Variants in ADAMTS9 observed in about 807,000 individuals in gnomAD.
The protein encoded by ADAMTS9 is ADAM metallopeptidase with thrombospondin type 1 motif 9.
Under a neutral mutation model 257.1 loss-of-function variants are expected in ADAMTS9, and 107 were observed. The ratio of observed to expected loss-of-function variants is 0.42; its 90% CI spans 0.36 to 0.49. The LOEUF (loss-of-function observed/expected upper bound fraction) is 0.49, where lower values mean the gene tolerates loss of function less well. Ranked by LOEUF, ADAMTS9 falls within the 20% of genes least tolerant of loss-of-function variation. The pLI is 0.03. For missense variants in ADAMTS9, 2,353 were observed against 2,469.1 expected, an observed-to-expected ratio of 0.95 and a Z score of 1.00; for synonymous variants, 982 against 880.9, an observed-to-expected ratio of 1.11 and a Z score of -2.03.
At chr3:64,627,321 G>A (rs993566242) in intron 16 of ADAMTS9, among the ~76,000 whole-genome samples, 2 of 151,886 alleles carry the variant, frequency 1.3e-5, no homozygotes, top group African/African-American at 2.4e-5. Context: ...AAATGATATC[G>A]GATTCCTCTT....
chr3:64,631,688 T>A (rs1020377083), intron 15 of ADAMTS9, 120 bp downstream of exon 15: 16 of 1,186,976 alleles, frequency 1.3e-5, no homozygotes, highest in Non-Finnish European at 1.9e-5. Context: ...CGATGGATAA[T>A]CCACCATAAC....
chr3:64,530,005 G>A (rs1021400716), intron 38 of ADAMTS9, among the ~76,000 whole-genome samples: 2 of 19,336 alleles, frequency 1.0e-4, no homozygotes, highest in Non-Finnish European at 2.4e-4. Flanking sequence ...TTTTTTTTTT[G>A]TAGAGATTGG....
At chr3:64,680,525 G>T (rs529637397) in intron 3 of ADAMTS9, among the ~76,000 whole-genome samples, 10 of 152,198 alleles carry the variant, frequency 6.6e-5, no homozygotes, top group Admixed American at 5.9e-4. Flanking sequence ...AGCTTTCCAG[G>T]GTGCCCAGAA....
chr3:64,681,156 C>A (rs778273294), intron 3 of ADAMTS9, 45 bp downstream of exon 3: 9 of 1,578,476 alleles, frequency 5.7e-6, no homozygotes, highest in Non-Finnish European at 7.7e-6. Context: ...AGCAATTTAC[C>A]CATCTCAAAG....
chr3:64,591,610 A>G (rs747940001), intron 28 of ADAMTS9, among the ~76,000 whole-genome samples: 1 of 152,186 alleles, frequency 6.6e-6, no homozygotes, highest in African/African-American at 2.4e-5. Flanking sequence ...TAAGATGGGG[A>G]CTTAAACCCT....
chr3:64,660,899 A>C (rs1255000485), intron 3 of ADAMTS9, among the ~76,000 whole-genome samples: 1 of 152,226 alleles, frequency 6.6e-6, no homozygotes, highest in Non-Finnish European at 1.5e-5. Flanking sequence ...TGAAGAATGA[A>C]AAGAAGCTGG....
intron 21 of ADAMTS9, 170 bp downstream of exon 21, chr3:64,615,151 T>G (rs775589559): frequency 1.3e-5 from 10 of 767,258 alleles, no homozygotes; most frequent in Non-Finnish European, 1.9e-5. Context: ...TTACATCCAG[T>G]ACGACAGTCA....
intron 37 of ADAMTS9, among the ~76,000 whole-genome samples, chr3:64,538,361 C>G (rs2083075528): frequency 6.6e-6 from 1 of 151,862 alleles, no homozygotes; most frequent in Non-Finnish European, 1.5e-5. Context: ...AAAGGAAACC[C>G]AGATAAGTCT....
intron 26 of ADAMTS9, among the ~76,000 whole-genome samples, chr3:64,600,729 G>A (rs1354746155): frequency 6.6e-6 from 1 of 152,196 alleles, no homozygotes; most frequent in East Asian, 1.9e-4. Context: ...ATGGGATAGC[G>A]AGGGTCTTGG....
At chr3:64,565,758 A>G (rs1309411022) in intron 29 of ADAMTS9, 1 of 152,238 alleles carries the variant, frequency 6.6e-6, no homozygotes, top group Non-Finnish European at 1.5e-5. Flanking sequence ...GTTCATAGGC[A>G]TTCCTTAGCT....
At chr3:64,581,474 G>T (rs2083999140) in intron 28 of ADAMTS9, among the ~76,000 whole-genome samples, 1 of 152,062 alleles carries the variant, frequency 6.6e-6, no homozygotes, top group Non-Finnish European at 1.5e-5. Context: ...CGTTGCCAAG[G>T]CTGGTCTCGA....
chr3:64,532,271 C>T (rs1283121667), intron 38 of ADAMTS9, among the ~76,000 whole-genome samples: 2 of 152,188 alleles, frequency 1.3e-5, no homozygotes, highest in East Asian at 1.9e-4. Context: ...GGCTAGCCTA[C>T]CTTAAATGTA....
intron 3 of ADAMTS9, 122 bp from the exon 4 acceptor site, chr3:64,658,913 C>A: frequency 9.8e-7 from 1 of 1,023,084 alleles, no homozygotes. Context: ...AACAAGTCCT[C>A]CATGGACTCT....
chr3:64,603,958 T>C lies in ADAMTS9; in HGVS notation c.3711A>G (p.Thr1237=), dbSNP rs1559787273. 3.1e-6 allele frequency: 5 copies of C among 1,613,574 alleles called. No homozygotes were observed. Among genetic ancestry groups the C allele is most frequent in the Non-Finnish European group, 4.2e-6 (5 of 1,179,910 alleles). Residue 1237 remains threonine (T), a synonymous_variant, in exon 25 of 40, where the codon ACA becomes ACG. Transcript: ENST00000498707. ...RPVAKEECSV[T]PCGQWKALDW... is the part of the protein sequence containing the mutation. ...CCAAGGCCTTCCATTGCCCACAGGG[T>C]GTCACAGAACATTCTTCCTTTGCCA... is the stretch of plus-strand genomic sequence containing the variant.
chr3:64,651,679 G>C (rs1209163202), intron 8 of ADAMTS9, among the ~76,000 whole-genome samples: 1 of 152,114 alleles, frequency 6.6e-6, no homozygotes, highest in South Asian at 2.1e-4. Flanking sequence ...ACCTGCGTAG[G>C]TATATCATTC....
chr3:64,558,495 G>A (rs947883857), intron 30 of ADAMTS9, among the ~76,000 whole-genome samples: 14 of 151,922 alleles, frequency 9.2e-5, no homozygotes, highest in African/African-American at 1.5e-4. Context: ...TCTAGGGGAC[G>A]CTCCTCACAT....
chr3:64,655,482 C>A (rs2106959432), intron 6 of ADAMTS9, 94 bp downstream of exon 6: 3 of 1,049,224 alleles, frequency 2.9e-6, no homozygotes, highest in Non-Finnish European at 4.4e-6. Flanking sequence ...AGCTGAGAAA[C>A]CCTCCACTAG....
At position 64,621,153 on chromosome 3, in the gene ADAMTS9, C is replaced by T; in HGVS notation, c.2774G>A (p.Gly925Glu). The change falls in exon 19 of 40, where the codon GGA becomes GAA. Residue 925 changes from glycine (G) to glutamate (E), a missense_variant. Coordinates refer to ENST00000498707, the MANE Select transcript of ADAMTS9 (RefSeq NM_182920.2). The part of the protein sequence containing the change: ...DQRCDRLPQP[G>E]HITEPCGTDC... ...TGTACCACAGGGTTCAGTAATGTGT[C>T]CAGGCTGGGGCAGCCGATCGCATCT... 6.2e-7 allele frequency: 1 copy of T among 1,613,910 alleles called. No individual in the cohort carries two copies.
intron 3 of ADAMTS9, among the ~76,000 whole-genome samples, chr3:64,670,292 T>A (rs1701455529): frequency 1.3e-5 from 2 of 152,172 alleles, no homozygotes; most frequent in Admixed American, 1.3e-4. Flanking sequence ...CACATTCCCA[T>A]CAAAAAGTAC....
Sources: gnomAD v4.1 joint callset for allele counts (sites outside exome capture counted in the v4.1 genomes callset) on GRCh38, gnomAD v4.1.1 for gene constraint, MANE v1.5 for transcripts, NCBI Gene and HGNC (gene_info 2026-07-23, HGNC 2026-07-21) for gene names.